The following RPS6KA2 variants were observed in gnomAD, a reference collection of about 807,000 sequenced individuals.
The protein encoded by RPS6KA2 is ribosomal protein S6 kinase alpha-2.
A neutral mutation model predicts 91.8 loss-of-function variants in RPS6KA2; 42 were observed. The observed-to-expected ratio is 0.46, with a 90% CI of 0.36 to 0.59. RPS6KA2 has a LOEUF of 0.59. Ranked by LOEUF, RPS6KA2 falls within the 20% of genes least tolerant of loss-of-function variation. RPS6KA2 has a pLI of 0.00. For missense variants in RPS6KA2, 798 were observed against 978.5 expected (o/e 0.82, Z 2.46); for synonymous variants, 414 against 393.6 (o/e 1.05, Z -0.61).
intron 2 of RPS6KA2, among the ~76,000 whole-genome samples, chr6:166,663,894 G>A (rs933486662): frequency 6.6e-6 from 1 of 152,244 alleles, no homozygotes; most frequent in Non-Finnish European, 1.5e-5. Context: ...GGCAAGACCT[G>A]AGTTTAAGTT....
rs181007008 is a variant in RPS6KA2, at chr6:166,495,257, C to T, written c.747+3251G>A. Among the ~76,000 whole-genome samples, 278 of 152,114 alleles carry T rather than the reference C, an allele frequency of 1.8e-3. No individual in the cohort carries two copies. Among genetic ancestry groups the T allele is most frequent in the African/African-American group, 5.1e-3 (211 of 41,358 alleles). ...TGTGAAGATGGCCAGGCAGCCTTAG[C>T]TTGTGGTCACCACGGCAACAGCCAG... On this transcript the variant is annotated intron_variant, in intron 8 of 20. Transcript: ENST00000265678. The surrounding 1 kb of genome is among the most constrained non-coding windows in gnomAD (Gnocchi z 4.4).
At chr6:166,713,169 G>A (rs796513582) in intron 2 of RPS6KA2, among the ~76,000 whole-genome samples, 26 of 152,196 alleles carry the variant, frequency 1.7e-4, no homozygotes, top group Middle Eastern at 3.4e-3. Flanking sequence ...CCCATCCCCC[G>A]GAACACAACT....
At chr6:166,762,387 C>T (rs1583090963) in intron 2 of RPS6KA2, among the ~76,000 whole-genome samples, 1 of 152,090 alleles carries the variant, frequency 6.6e-6, no homozygotes, top group South Asian at 2.1e-4. Flanking sequence ...TATGTCTATG[C>T]GCATATGTGT....
intron 2 of RPS6KA2, among the ~76,000 whole-genome samples, chr6:166,705,711 C>T (rs535052092): frequency 6.6e-6 from 1 of 152,302 alleles, no homozygotes; most frequent in South Asian, 2.1e-4. Context: ...TAGACATAGA[C>T]ACTCCAACAG....
In RPS6KA2 at chr6:166,533,195, A is replaced by G. The variant is rs3799647; in HGVS notation, c.217-1882T>C. Among the ~76,000 whole-genome samples, 13,710 of 152,322 alleles carry G rather than the reference A, an allele frequency of 0.09. 729 individuals are homozygous for G. The highest frequency in any genetic ancestry group is 0.17 in the East Asian group (893 of 5,178). ...CTGCTTTGAATCACGGGAAAGTCAC[A>G]TGCCATGCACAGTTTTAGCTTCCAT... On this transcript the variant is annotated intron_variant, in intron 2 of 20. Transcript: ENST00000265678. The surrounding 1 kb of genome is among the most constrained non-coding windows in gnomAD (Gnocchi z 4.0).
Position 166,745,254 on chromosome 6 carries a change from C to T in RPS6KA2, c.123+112946G>A, listed in dbSNP as rs191006288. ...GCAACCTCTGCCTCCTGGGTTCAAGCGATTCCCCTGCCTCAGCCTCCTGAG... is the reference window on the plus strand; with the variant it reads ...GCAACCTCTGCCTCCTGGGTTCAAGTGATTCCCCTGCCTCAGCCTCCTGAG... On this transcript the variant is annotated intron_variant, in intron 2 of 21. Coordinates refer to the RPS6KA2 transcript ENST00000503859. Among the ~76,000 whole-genome samples the T allele has an allele frequency of 2.0e-3, 300 of 150,940 alleles. 2 individuals are homozygous for T. Among genetic ancestry groups the T allele is most frequent in the African/African-American group, 6.2e-3 (254 of 40,940 alleles).
intron 2 of RPS6KA2, among the ~76,000 whole-genome samples, chr6:166,841,243 A>G (rs1780470095): frequency 6.6e-6 from 1 of 152,238 alleles, no homozygotes. Context: ...ACAGAGTGAG[A>G]TCGTGTATCA....
chr6:166,753,445 G>A (rs9295368), intron 2 of RPS6KA2, among the ~76,000 whole-genome samples: 100,116 of 152,074 alleles, frequency 0.66, 34,153 homozygotes, highest in African/African-American at 0.86. Flanking sequence ...CTTGTCTTAT[G>A]AACACAAAAT....
At chr6:166,742,706 G>A (rs974229411) in intron 2 of RPS6KA2, among the ~76,000 whole-genome samples, 4 of 152,164 alleles carry the variant, frequency 2.6e-5, no homozygotes, top group African/African-American at 9.7e-5. Context: ...ATGCCACACT[G>A]CATACTTTTT....
chr6:166,426,404 A>G lies in RPS6KA2; in HGVS notation c.1582-2987T>C, dbSNP rs1317637868. Among the ~76,000 whole-genome samples the G allele has an allele frequency of 1.4e-4, 17 of 120,078 alleles. No individual in the cohort carries two copies. The East Asian group carries it at 3.9e-3, about 27-fold the overall frequency. The allele number at this position is 120,078 out of a possible 152,430, so 78.8% of individuals were successfully genotyped here. ...CACAATTAAAAGAACTAGAAAAGCA[A>G]GAGCAAACACATTCAAAAGCTAGCA... On this transcript the variant is annotated intron_variant, in intron 16 of 20. Transcript: ENST00000265678.
intron 2 of RPS6KA2, chr6:166,702,323 C>T (rs1789549296): frequency 6.2e-7 from 1 of 1,613,484 alleles, no homozygotes; most frequent in Non-Finnish European, 8.5e-7. Context: ...CCGGCGACCT[C>T]GGGGCTGCAG....
rs1205385968 is a variant in RPS6KA2 at position 166,504,623 on chromosome 6, A to C, written c.460-11T>G. The C allele has an allele frequency of 6.6e-7, 1 of 1,511,282 alleles. No homozygotes were observed. Among genetic ancestry groups the C allele is most frequent in the Non-Finnish European group, 9.1e-7 (1 of 1,096,824 alleles). The allele number at this position is 1,511,282 out of a possible 1,614,324, so 93.6% of individuals were successfully genotyped here. ...CTCCGTGAACATGACCTAGTAAGAA[A>C]AAAACAAAAACAAAAACAAAAAACG... On this transcript the variant is annotated splice_polypyrimidine_tract_variant and intron_variant, in intron 5 of 20. Transcript: ENST00000265678.
At chr6:166,644,590 G>A (rs1192816798) in intron 2 of RPS6KA2, among the ~76,000 whole-genome samples, 1 of 152,238 alleles carries the variant, frequency 6.6e-6, no homozygotes, top group Admixed American at 6.5e-5. Context: ...TATTGCAAAT[G>A]TGTTTTGGCT....
At chr6:166,510,556 T>C (rs1452635183) in intron 3 of RPS6KA2, among the ~76,000 whole-genome samples, 199 bp from the exon 4 acceptor site, 8 of 5,634 alleles carry the variant, frequency 1.4e-3, no homozygotes, top group Non-Finnish European at 1.1e-3. Flanking sequence ...CTCTCTCTCA[T>C]ATATATATAT....
At chr6:166,835,092 A>C (rs1780285174) in intron 2 of RPS6KA2, among the ~76,000 whole-genome samples, 1 of 152,184 alleles carries the variant, frequency 6.6e-6, no homozygotes, top group African/African-American at 2.4e-5. Flanking sequence ...AATTACACCG[A>C]CATCTGTGTC....
intron 11 of RPS6KA2, among the ~76,000 whole-genome samples, chr6:166,466,188 T>C (rs975713868): frequency 1.3e-5 from 2 of 152,180 alleles, no homozygotes; most frequent in African/African-American, 2.4e-5. Flanking sequence ...CCTTCTTGGG[T>C]TGTGTTTGCT....
At chr6:166,525,434 A>G (rs1417887270) in intron 3 of RPS6KA2, among the ~76,000 whole-genome samples, 2 of 152,144 alleles carry the variant, frequency 1.3e-5, no homozygotes, top group Non-Finnish European at 2.9e-5. Context: ...CCCCCTCAGC[A>G]GCTGAGCAGA....
At chr6:166,680,914 C>T (rs1203168203) in intron 2 of RPS6KA2, among the ~76,000 whole-genome samples, 2 of 152,224 alleles carry the variant, frequency 1.3e-5, no homozygotes, top group Non-Finnish European at 2.9e-5. Flanking sequence ...GGAAAAGTTT[C>T]AGCCTTGCTG....
chr6:166,773,945 G>A (rs1778547279), intron 2 of RPS6KA2, among the ~76,000 whole-genome samples: 1 of 152,200 alleles, frequency 6.6e-6, no homozygotes, highest in Non-Finnish European at 1.5e-5. Context: ...GACGTGGTCA[G>A]ACAAATATTT....
Sources: gnomAD v4.1 joint callset for allele counts (sites outside exome capture counted in the v4.1 genomes callset) on GRCh38, gnomAD v4.1.1 for gene constraint, Gnocchi (gnomAD v3.1) non-coding constraint, MANE v1.5 for transcripts, NCBI Gene and HGNC (gene_info 2026-07-23, HGNC 2026-07-21) for gene names.